Variants in CDKN2B-AS1 observed in about 807,000 individuals in gnomAD.
The protein encoded by CDKN2B-AS1 is CDKN2B and CDKN2A antisense cis and trans regulatory RNA 1, also known as CDKN2B antisense RNA 1 (non-protein coding).
At chr9:22,002,532 T>C (rs557062991) in intron 1 of CDKN2B-AS1, among the ~76,000 whole-genome samples, 10 of 152,130 alleles carry the variant, frequency 6.6e-5, no homozygotes, top group African/African-American at 2.2e-4. Flanking sequence ...TGTTAATATT[T>C]TCAAAAAAGG....
intron 4 of CDKN2B-AS1, among the ~76,000 whole-genome samples, chr9:22,091,761 T>A (rs954473662): frequency 2.0e-5 from 3 of 152,220 alleles, no homozygotes; most frequent in African/African-American, 7.2e-5. Context: ...AATCATGTCA[T>A]CTGCAAACAG....
chr9:22,016,707 C>T (rs913183621), intron 1 of CDKN2B-AS1, among the ~76,000 whole-genome samples: 4 of 152,148 alleles, frequency 2.6e-5, no homozygotes, highest in African/African-American at 9.7e-5. Flanking sequence ...AAAGGATTCC[C>T]TATTGAATAA....
At chr9:22,028,965 T>G (rs1485799929) in intron 1 of CDKN2B-AS1, among the ~76,000 whole-genome samples, 5 of 152,172 alleles carry the variant, frequency 3.3e-5, no homozygotes, top group Non-Finnish European at 7.4e-5. Flanking sequence ...CATCTCCATA[T>G]TTTTGAAAAT....
chr9:22,050,860 A>C (rs979256172), intron 3 of CDKN2B-AS1, among the ~76,000 whole-genome samples: 3 of 152,190 alleles, frequency 2.0e-5, no homozygotes, highest in Non-Finnish European at 4.4e-5. Flanking sequence ...AGTGGGATCC[A>C]GTGTGTGACC....
chr9:22,109,986 C>G (rs906414029), intron 4 of CDKN2B-AS1, among the ~76,000 whole-genome samples: 1 of 152,122 alleles, frequency 6.6e-6, no homozygotes, highest in African/African-American at 2.4e-5. Context: ...AACACTGCAA[C>G]AAACTCACTG....
intron 3 of CDKN2B-AS1, among the ~76,000 whole-genome samples, chr9:22,049,760 A>G (rs538524939): frequency 6.6e-6 from 1 of 152,236 alleles, no homozygotes; most frequent in Non-Finnish European, 1.5e-5. Context: ...CATCATGTAT[A>G]GTATTGTTAA....
rs534057617 is a variant in CDKN2B-AS1 at position 22,012,358 on chromosome 9, C to G, written n.29+17197C>G. The G allele has an allele frequency of 1.4e-4, 154 of 1,110,334 alleles. 4 individuals carry two copies. The South Asian group carries it at 1.8e-3, about 13-fold the overall frequency. 68.8% of individuals were successfully genotyped at this position (1,110,334 alleles called of 1,614,324 possible). On this transcript the variant is annotated intron_variant and non_coding_transcript_variant, in intron 1 of 4. Transcript: ENST00000650946. ...ACGTCCAGAAACAGCCCACCCCGCA[C>G]CTGGTGCTGCACCTGCGAGGTGGCA...
chr9:22,091,200 A>T (rs1057195547), intron 4 of CDKN2B-AS1, among the ~76,000 whole-genome samples: 8 of 152,168 alleles, frequency 5.3e-5, no homozygotes, highest in African/African-American at 1.9e-4. Flanking sequence ...CTGTTTTGGT[A>T]CCAGTACCAT....
intron 4 of CDKN2B-AS1, among the ~76,000 whole-genome samples, chr9:22,111,052 T>C (rs1825792498): frequency 6.6e-6 from 1 of 152,172 alleles, no homozygotes; most frequent in Non-Finnish European, 1.5e-5. Context: ...TTGGATGACT[T>C]TGCTACAATT....
chr9:22,085,534 C>G (rs932154927), intron 4 of CDKN2B-AS1, among the ~76,000 whole-genome samples: 109 of 152,088 alleles, frequency 7.2e-4, no homozygotes, highest in African/African-American at 2.6e-3. Context: ...CCCTGGCTAA[C>G]ACGGTGAAAC....
chr9:22,113,607 C>G (rs1012268302), intron 4 of CDKN2B-AS1: 1 of 152,260 alleles, frequency 6.6e-6, no homozygotes, highest in African/African-American at 2.4e-5. Context: ...TCTCCCAAGC[C>G]TCAGTCTCAC....
At chr9:22,072,431 G>A (rs1188347601) in intron 4 of CDKN2B-AS1, among the ~76,000 whole-genome samples, 1 of 152,192 alleles carries the variant, frequency 6.6e-6, no homozygotes, top group Non-Finnish European at 1.5e-5. Flanking sequence ...CCAGGGGACA[G>A]ACAGAGACAC....
At chr9:22,016,088 T>C (rs907108524) in intron 1 of CDKN2B-AS1, among the ~76,000 whole-genome samples, 1 of 152,214 alleles carries the variant, frequency 6.6e-6, no homozygotes, top group Non-Finnish European at 1.5e-5. Context: ...GTGCAGAAGC[T>C]CTTTAGTTTA....
intron 4 of CDKN2B-AS1, among the ~76,000 whole-genome samples, chr9:22,111,566 A>C (rs1282978885): frequency 7.9e-6 from 1 of 127,324 alleles, no homozygotes; most frequent in Non-Finnish European, 1.6e-5. Flanking sequence ...AAAACTATAC[A>C]TTTCACATTA....
intron 1 of CDKN2B-AS1, chr9:22,031,018 C>T (rs1055775213): frequency 3.9e-5 from 6 of 152,104 alleles, no homozygotes; most frequent in East Asian, 1.9e-4. Context: ...CATCATGGAA[C>T]GTTAATTAAT....
At chr9:22,103,272 T>C (rs1185823391) in intron 4 of CDKN2B-AS1, among the ~76,000 whole-genome samples, 9 of 151,722 alleles carry the variant, frequency 5.9e-5, no homozygotes. Flanking sequence ...TTATCACCAC[T>C]GATATATAGC....
intron 4 of CDKN2B-AS1, among the ~76,000 whole-genome samples, chr9:22,098,310 G>T (rs1270451137): frequency 6.6e-6 from 1 of 151,012 alleles, no homozygotes; most frequent in Non-Finnish European, 1.5e-5. Flanking sequence ...TAAAAAAGAG[G>T]GGACTATAAT....
intron 3 of CDKN2B-AS1, among the ~76,000 whole-genome samples, chr9:22,055,559 G>GT (rs1325321997): frequency 1.3e-5 from 2 of 152,030 alleles, no homozygotes; most frequent in African/African-American, 4.8e-5. Context: ...GTTGTTTTTT[G>GT]TTTTTTTGCC....
chr9:22,004,013 GA>G (rs796269304), intron 1 of CDKN2B-AS1: 133 of 232,754 alleles, frequency 5.7e-4, no homozygotes, highest in African/African-American at 2.6e-3. Flanking sequence ...TCCATGGAAT[GA>G]ATATCTTGTA....
Sources: gnomAD v4.1 joint callset for allele counts (sites outside exome capture counted in the v4.1 genomes callset) on GRCh38, gnomAD v4.1.1 for gene constraint, MANE v1.5 for transcripts, NCBI Gene and HGNC (gene_info 2026-07-23, HGNC 2026-07-21) for gene names.